The following ACYP2 variants were observed in gnomAD, a reference collection of about 807,000 sequenced individuals.
ACYP2 encodes acylphosphatase 2, also known as acylphosphatase-2.
ACYP2 carries 12 observed loss-of-function variants against 11.2 expected under a neutral mutation model. That is an observed-to-expected ratio of 1.08 (90% CI 0.69 to 1.74). The LOEUF is 1.74. ACYP2 is among the 40% of genes most tolerant of loss of function. The pLI is 0.00. For synonymous variants in ACYP2, 43 were observed against 32.2 expected (o/e 1.33, Z -1.13); for missense variants, 134 against 101.9 (o/e 1.31, Z -1.35).
At position 54,214,215 on chromosome 2, in the gene ACYP2, A is replaced by T. The variant is rs1685458396; in HGVS notation, c.404+75467A>T. On this transcript the variant is annotated intron_variant, in intron 6 of 6. Coordinates refer to ENST00000607452, the MANE Select transcript of ACYP2 (RefSeq NM_001320586.2). ...TGTCTGTTTACTCTGCTGATAGTTTATTTTGCTGTGCAGAAGCTCCTTAAT... is the reference window on the plus strand; with the variant it reads ...TGTCTGTTTACTCTGCTGATAGTTTTTTTTGCTGTGCAGAAGCTCCTTAAT... Among the ~76,000 whole-genome samples, 2 of 152,076 alleles carry T rather than the reference A, an allele frequency of 1.3e-5. 1 individual carries two copies. Among genetic ancestry groups the T allele is most frequent in the South Asian group, 4.1e-4 (2 of 4,822 alleles).
intron 2 of ACYP2, among the ~76,000 whole-genome samples, chr2:54,028,691 C>T (rs974465020): frequency 1.3e-5 from 2 of 152,280 alleles, no homozygotes; most frequent in South Asian, 2.1e-4. Context: ...GTATGTTCTT[C>T]GGTCCCATTG....
At chr2:54,144,742 G>A (rs1681809436) in intron 6 of ACYP2, among the ~76,000 whole-genome samples, 2 of 150,922 alleles carry the variant, frequency 1.3e-5, no homozygotes, top group African/African-American at 4.9e-5. Flanking sequence ...TAATCTTGTA[G>A]AACTTCATTT....
intron 2 of ACYP2, among the ~76,000 whole-genome samples, chr2:53,994,727 G>A (rs895784624): frequency 6.6e-6 from 1 of 152,080 alleles, no homozygotes; most frequent in African/African-American, 2.4e-5. Context: ...AACTACTATA[G>A]GATAGCAATT....
intron 6 of ACYP2, among the ~76,000 whole-genome samples, chr2:54,202,297 C>G (rs1171466016): frequency 6.6e-6 from 1 of 150,862 alleles, no homozygotes; most frequent in East Asian, 2.0e-4. Flanking sequence ...TCAGTAGAGA[C>G]GGAGTTTCAC....
At chr2:54,059,115 T>A (rs896919947) in intron 4 of ACYP2, among the ~76,000 whole-genome samples, 2 of 152,262 alleles carry the variant, frequency 1.3e-5, no homozygotes, top group African/African-American at 4.8e-5. Flanking sequence ...TTGTCCAAGA[T>A]GGTGATGTTC....
At chr2:54,035,258 T>C (rs547158435) in intron 2 of ACYP2, among the ~76,000 whole-genome samples, 141 of 146,476 alleles carry the variant, frequency 9.6e-4, no homozygotes, top group Non-Finnish European at 1.6e-3. Flanking sequence ...AATTTCTTTT[T>C]CTTTTTCTTT....
chr2:53,988,714 C>G (rs182710625), intron 2 of ACYP2, among the ~76,000 whole-genome samples: 3 of 151,950 alleles, frequency 2.0e-5, no homozygotes, highest in Non-Finnish European at 4.4e-5. Context: ...GTGTAAGCCA[C>G]CATGCCTGGC....
chr2:54,000,638 C>A (rs1044243017), intron 2 of ACYP2, among the ~76,000 whole-genome samples: 3 of 151,966 alleles, frequency 2.0e-5, no homozygotes, highest in Non-Finnish European at 2.9e-5. Context: ...GATCACACTA[C>A]ATTCATTTAA....
At chr2:54,078,262 T>C (rs1677450988) in intron 4 of ACYP2, among the ~76,000 whole-genome samples, 1 of 151,988 alleles carries the variant, frequency 6.6e-6, no homozygotes, top group Non-Finnish European at 1.5e-5. Context: ...TTGCATTTTC[T>C]GTCTCATCTC....
At chr2:54,263,772 A>G (rs1218087756) in intron 6 of ACYP2, among the ~76,000 whole-genome samples, 1 of 152,230 alleles carries the variant, frequency 6.6e-6, no homozygotes, top group Non-Finnish European at 1.5e-5. Context: ...ACAGTACTGG[A>G]TAATCATAGT....
At chr2:54,002,732 A>G (rs1203603451) in intron 2 of ACYP2, among the ~76,000 whole-genome samples, 1 of 150,142 alleles carries the variant, frequency 6.7e-6, no homozygotes, top group Non-Finnish European at 1.5e-5. Context: ...GCTCACCACA[A>G]CCTGTGCCTC....
chr2:54,237,500 A>G (rs1282913570), intron 6 of ACYP2, among the ~76,000 whole-genome samples: 1 of 151,978 alleles, frequency 6.6e-6, no homozygotes, highest in Non-Finnish European at 1.5e-5. Flanking sequence ...TTTTTTCTCT[A>G]CTTCATTATT....
At chr2:54,035,158 A>G (rs1333204240) in intron 2 of ACYP2, among the ~76,000 whole-genome samples, 1 of 151,156 alleles carries the variant, frequency 6.6e-6, no homozygotes, top group Non-Finnish European at 1.5e-5. Context: ...AAAAATGGGG[A>G]TTTCAGCTGT....
At chr2:53,977,186 T>C (rs1392354322) in intron 2 of ACYP2, among the ~76,000 whole-genome samples, 1 of 152,118 alleles carries the variant, frequency 6.6e-6, no homozygotes, top group Non-Finnish European at 1.5e-5. Flanking sequence ...TAGCTGGGAC[T>C]ACAGGCACCC....
At chr2:54,233,027 T>A (rs1686307660) in intron 6 of ACYP2, among the ~76,000 whole-genome samples, 2 of 152,156 alleles carry the variant, frequency 1.3e-5, no homozygotes, top group Admixed American at 1.3e-4. Context: ...TTTAAGGAAG[T>A]CATCTTCACA....
intron 6 of ACYP2, among the ~76,000 whole-genome samples, chr2:54,226,576 T>C (rs1203940699): frequency 6.6e-6 from 1 of 152,244 alleles, no homozygotes; most frequent in African/African-American, 2.4e-5. Flanking sequence ...TTCTTAGGCT[T>C]GGGTCACAGG....
chr2:54,080,340 C>G (rs976236081), intron 4 of ACYP2: 2 of 152,170 alleles, frequency 1.3e-5, no homozygotes, highest in African/African-American at 4.8e-5. Flanking sequence ...TGACACATCT[C>G]TATGGTATTT....
At chr2:54,084,476 G>A (rs908457509) in intron 4 of ACYP2, 4 of 152,440 alleles carry the variant, frequency 2.6e-5, no homozygotes, top group Admixed American at 2.0e-4. Flanking sequence ...ATTTTTAGTA[G>A]AGACGGGGTT....
chr2:54,156,292 T>G (rs1333866630), intron 6 of ACYP2, among the ~76,000 whole-genome samples: 1 of 152,202 alleles, frequency 6.6e-6, no homozygotes, highest in African/African-American at 2.4e-5. Context: ...CCAGGATACA[T>G]GTGCAGAATG....
Sources: allele counts gnomAD v4.1 joint callset (sites outside exome capture counted in the v4.1 genomes callset), GRCh38; gene constraint gnomAD v4.1.1; transcripts MANE v1.5; gene names NCBI Gene and HGNC (gene_info 2026-07-23, HGNC 2026-07-21).